Variants in TOX observed in about 807,000 individuals in gnomAD.
The protein encoded by TOX is thymocyte selection associated high mobility group box, also known as thymocyte selection-associated high mobility group box protein TOX.
A neutral mutation model predicts 53.7 loss-of-function variants in TOX; 11 were observed. That is an observed-to-expected ratio of 0.20 (90% CI 0.13 to 0.34). The LOEUF is 0.34. Among genes scored for constraint, TOX ranks in the 10% least tolerant of loss-of-function variants. The pLI, the probability that TOX is intolerant of heterozygous loss-of-function variation, is 1.00. For missense variants in TOX, 570 were observed against 664.6 expected (o/e 0.86, Z 1.56); for synonymous variants, 225 against 245.3 (o/e 0.92, Z 0.77).
intron 3 of TOX, among the ~76,000 whole-genome samples, chr8:58,885,015 C>T (rs187072874): frequency 2.9e-3 from 443 of 152,100 alleles, no homozygotes; most frequent in Non-Finnish European, 5.5e-3. Flanking sequence ...AAAAGAGTTA[C>T]CTGTATTTGC....
At chr8:58,953,907 T>G (rs1453746308) in intron 2 of TOX, among the ~76,000 whole-genome samples, 4 of 152,216 alleles carry the variant, frequency 2.6e-5, no homozygotes, top group African/African-American at 9.6e-5. Flanking sequence ...AGGCCCTTTT[T>G]GTCATACCTC....
chr8:59,076,005 C>CAA (rs1171417604), intron 1 of TOX, among the ~76,000 whole-genome samples: 9 of 99,562 alleles, frequency 9.0e-5, no homozygotes, highest in African/African-American at 1.5e-4. Context: ...AACTCCATCT[C>CAA]AAAAAAAAAA....
At chr8:58,974,104 T>C (rs1813051165) in intron 1 of TOX, among the ~76,000 whole-genome samples, 1 of 152,080 alleles carries the variant, frequency 6.6e-6, no homozygotes, top group African/African-American at 2.4e-5. Context: ...CACCTGGAAG[T>C]GGTTTTCAAA....
chr8:58,808,407 C>G (rs1380909605), intron 7 of TOX, 138 bp from the exon 8 acceptor site: 7 of 1,087,170 alleles, frequency 6.4e-6, no homozygotes, highest in Non-Finnish European at 8.7e-6. Context: ...TCGGAAGAGC[C>G]CAGAAAATTT....
intron 1 of TOX, among the ~76,000 whole-genome samples, chr8:59,046,049 T>G (rs1803676449): frequency 6.6e-6 from 1 of 152,182 alleles, no homozygotes; most frequent in Admixed American, 6.5e-5. Context: ...TGCCGTCCCC[T>G]GGGTTTAAGG....
intron 3 of TOX, among the ~76,000 whole-genome samples, chr8:58,934,473 C>T (rs1401667378): frequency 2.6e-5 from 4 of 152,112 alleles, no homozygotes; most frequent in Admixed American, 6.5e-5. Flanking sequence ...TACTTTAATA[C>T]TTACAACATG....
At chr8:59,027,207 G>A (rs369047731) in intron 1 of TOX, among the ~76,000 whole-genome samples, 2 of 152,208 alleles carry the variant, frequency 1.3e-5, no homozygotes, top group East Asian at 3.9e-4. Context: ...GAACACTACT[G>A]GTTAGTAAAA....
intron 1 of TOX, among the ~76,000 whole-genome samples, chr8:59,062,784 G>T (rs1321439192): frequency 6.6e-6 from 1 of 151,882 alleles, no homozygotes; most frequent in African/African-American, 2.4e-5. Context: ...AAGAGAGAGG[G>T]TGTGTGTGTG....
At chr8:59,034,133 C>G (rs1563424902) in intron 1 of TOX, among the ~76,000 whole-genome samples, 2 of 152,342 alleles carry the variant, frequency 1.3e-5, no homozygotes, top group South Asian at 4.1e-4. Flanking sequence ...TATCGAGGAG[C>G]TCTTCCTGGT....
At chr8:59,039,154 T>A (rs1006860049) in intron 1 of TOX, among the ~76,000 whole-genome samples, 1 of 152,246 alleles carries the variant, frequency 6.6e-6, no homozygotes, top group African/African-American at 2.4e-5. Context: ...TCCTACATTA[T>A]GTCAATTCAC....
At chr8:58,906,169 TAAACA>T (rs1460540728) in intron 3 of TOX, among the ~76,000 whole-genome samples, 4 of 152,212 alleles carry the variant, frequency 2.6e-5, no homozygotes, top group Non-Finnish European at 5.9e-5. Context: ...TCCTGTCAAG[TAAACA>T]TGCTTTTTTC....
At chr8:58,969,909 A>C (rs1305602315) in intron 1 of TOX, among the ~76,000 whole-genome samples, 1 of 152,202 alleles carries the variant, frequency 6.6e-6, no homozygotes, top group Non-Finnish European at 1.5e-5. Context: ...CCCTTGTCTT[A>C]CTTTCTGGAA....
At chr8:59,075,927 C>T (rs1245942998) in intron 1 of TOX, among the ~76,000 whole-genome samples, 2 of 151,798 alleles carry the variant, frequency 1.3e-5, no homozygotes, top group East Asian at 3.9e-4. Flanking sequence ...ATCGCTTGAA[C>T]CCGGGAGGCG....
intron 1 of TOX, among the ~76,000 whole-genome samples, chr8:58,982,330 G>A (rs993862989): frequency 6.6e-6 from 1 of 152,140 alleles, no homozygotes; most frequent in Non-Finnish European, 1.5e-5. Flanking sequence ...CCTCTTCTTG[G>A]GAATGAGCGC....
chr8:58,964,890 T>C (rs1201700092), intron 1 of TOX, among the ~76,000 whole-genome samples: 1 of 151,450 alleles, frequency 6.6e-6, no homozygotes, highest in African/African-American at 2.4e-5. Flanking sequence ...TGTGTGTGTG[T>C]GCACCCTACA....
chr8:58,989,021 T>C (rs1050812413), intron 1 of TOX, among the ~76,000 whole-genome samples: 5 of 152,170 alleles, frequency 3.3e-5, no homozygotes, highest in African/African-American at 1.2e-4. Context: ...ATCTCACTAT[T>C]ACAAAACTTT....
intron 7 of TOX, 42 bp from the exon 8 acceptor site, chr8:58,808,311 T>C (rs1810023593): frequency 6.4e-7 from 1 of 1,573,166 alleles, no homozygotes; most frequent in South Asian, 1.2e-5. Flanking sequence ...TCAAAATGCA[T>C]TTTAAGAAGA....
At position 59,052,204 on chromosome 8, in the gene TOX, T is replaced by C. The variant is rs1563430781; in HGVS notation, c.102+66682A>G. On this transcript the variant is annotated intron_variant, in intron 1 of 8. Coordinates refer to ENST00000361421, the MANE Select transcript of TOX (RefSeq NM_014729.3). ...GTAATGGGAACACATTAAAGTATCATTATAACATTATTTTATATGTTTAAA... is the reference window on the plus strand; with the variant it reads ...GTAATGGGAACACATTAAAGTATCACTATAACATTATTTTATATGTTTAAA... 2.0e-5 allele frequency among the ~76,000 whole-genome samples: 3 copies of C among 152,214 alleles called. 1 individual carries two copies. Among genetic ancestry groups the C allele is most frequent in the Non-Finnish European group, 2.9e-5 (2 of 68,034 alleles).
chr8:59,003,583 C>T (rs538315145), intron 1 of TOX, among the ~76,000 whole-genome samples: 143 of 152,128 alleles, frequency 9.4e-4, no homozygotes, highest in African/African-American at 3.3e-3. Flanking sequence ...TTCGGATTTT[C>T]GGATGTTAAA....
Sources: gnomAD v4.1 joint callset for allele counts (sites outside exome capture counted in the v4.1 genomes callset) on GRCh38, gnomAD v4.1.1 for gene constraint, MANE v1.5 for transcripts, NCBI Gene and HGNC (gene_info 2026-07-23, HGNC 2026-07-21) for gene names.